Variants in DCC observed in about 807,000 individuals in gnomAD.
DCC encodes netrin receptor DCC.
Under a neutral mutation model 172.5 loss-of-function variants are expected in DCC, and 58 were observed. The ratio of observed to expected loss-of-function variants is 0.34; its 90% confidence interval spans 0.27 to 0.42. DCC has a LOEUF of 0.42. Among genes scored for constraint, DCC ranks in the 10% least tolerant of loss-of-function variants. The pLI, the probability that DCC is intolerant of heterozygous loss-of-function variation, is 1.00. For missense variants in DCC, 1,740 were observed against 1,791.0 expected, an observed-to-expected ratio of 0.97 and a Z score of 0.51; for synonymous variants, 709 against 644.5, an observed-to-expected ratio of 1.10 and a Z score of -1.52.
At chr18:52,677,838 T>C (rs1395964950) in intron 1 of DCC, among the ~76,000 whole-genome samples, 2 of 152,184 alleles carry the variant, frequency 1.3e-5, no homozygotes, top group Non-Finnish European at 2.9e-5. Context: ...TGGCTTCTCG[T>C]TGAGCAAGTA....
intron 5 of DCC, among the ~76,000 whole-genome samples, chr18:52,951,905 T>C (rs905801814): frequency 6.6e-6 from 1 of 152,228 alleles, no homozygotes; most frequent in Non-Finnish European, 1.5e-5. Context: ...TAGGCAAGTG[T>C]AGAAATTTGC....
intron 1 of DCC, among the ~76,000 whole-genome samples, chr18:52,738,628 C>T (rs555628378): frequency 6.6e-5 from 10 of 152,214 alleles, no homozygotes; most frequent in South Asian, 4.1e-4. Flanking sequence ...AAACACTGTA[C>T]GCCTAGGCTA....
At chr18:53,132,439 A>G (rs1399521935) in intron 7 of DCC, among the ~76,000 whole-genome samples, 1 of 152,060 alleles carries the variant, frequency 6.6e-6, no homozygotes, top group Admixed American at 6.6e-5. Context: ...ATGGGGAGGG[A>G]TGCTGATCCA....
chr18:52,386,828 A>G (rs1985818696), intron 1 of DCC, among the ~76,000 whole-genome samples: 1 of 152,120 alleles, frequency 6.6e-6, no homozygotes, highest in Non-Finnish European at 1.5e-5. Flanking sequence ...CACAACATGT[A>G]TCATATATCA....
At chr18:53,328,139 G>T (rs1158333400) in intron 14 of DCC, among the ~76,000 whole-genome samples, 1 of 152,196 alleles carries the variant, frequency 6.6e-6, no homozygotes, top group Admixed American at 6.5e-5. Context: ...ACAAAGGATG[G>T]CACAGGTTGC....
intron 2 of DCC, among the ~76,000 whole-genome samples, chr18:52,770,058 G>A (rs1224469023): frequency 6.6e-6 from 1 of 152,186 alleles, no homozygotes; most frequent in Non-Finnish European, 1.5e-5. Context: ...AGCATTTGAA[G>A]TTGGTGGATG....
At chr18:53,510,085 A>C (rs963491904) in intron 27 of DCC, among the ~76,000 whole-genome samples, 4 of 152,100 alleles carry the variant, frequency 2.6e-5, no homozygotes, top group Admixed American at 2.0e-4. Context: ...TCCATGGTAT[A>C]TTTTCTCCAA....
At chr18:53,466,873 G>A (rs1193770720) in intron 24 of DCC, among the ~76,000 whole-genome samples, 1 of 152,146 alleles carries the variant, frequency 6.6e-6, no homozygotes, top group Non-Finnish European at 1.5e-5. Flanking sequence ...AGTTTTTGTA[G>A]GATGTGTGGA....
chr18:53,423,524 G>A (rs908766043), intron 21 of DCC, among the ~76,000 whole-genome samples: 1 of 152,136 alleles, frequency 6.6e-6, no homozygotes, highest in Admixed American at 6.6e-5. Context: ...ACTACATGCT[G>A]TAATGTGTAC....
At chr18:52,774,231 C>A (rs2037389715) in intron 2 of DCC, among the ~76,000 whole-genome samples, 1 of 152,178 alleles carries the variant, frequency 6.6e-6, no homozygotes, top group Non-Finnish European at 1.5e-5. Flanking sequence ...GGAGCCCAAA[C>A]AATCCATGTT....
intron 1 of DCC, among the ~76,000 whole-genome samples, chr18:52,746,660 C>T (rs2036909608): frequency 6.6e-6 from 1 of 152,046 alleles, no homozygotes; most frequent in Non-Finnish European, 1.5e-5. Context: ...AATATTTGTA[C>T]TATTTGATCA....
At chr18:52,929,559 A>C (rs1335510436) in intron 5 of DCC, among the ~76,000 whole-genome samples, 1 of 152,096 alleles carries the variant, frequency 6.6e-6, no homozygotes, top group Non-Finnish European at 1.5e-5. Flanking sequence ...AATGAGGTTA[A>C]AACAACTGCC....
chr18:52,511,044 G>T (rs973311972), intron 1 of DCC, among the ~76,000 whole-genome samples: 2 of 152,080 alleles, frequency 1.3e-5, no homozygotes, highest in African/African-American at 2.4e-5. Context: ...AACAGACCAG[G>T]TCTTTAACAA....
chr18:52,870,652 G>A (rs1240415151), intron 2 of DCC, among the ~76,000 whole-genome samples: 1 of 151,696 alleles, frequency 6.6e-6, no homozygotes, highest in African/African-American at 2.4e-5. Flanking sequence ...TTGACAACCA[G>A]ACGGTCCCAC....
At chr18:52,864,052 A>G (rs2039184228) in intron 2 of DCC, among the ~76,000 whole-genome samples, 1 of 152,214 alleles carries the variant, frequency 6.6e-6, no homozygotes, top group Non-Finnish European at 1.5e-5. Flanking sequence ...TAGACAATAT[A>G]CAAATAGACA....
At chr18:53,362,523 G>A (rs2057959058) in intron 15 of DCC, among the ~76,000 whole-genome samples, 1 of 152,142 alleles carries the variant, frequency 6.6e-6, no homozygotes, top group Non-Finnish European at 1.5e-5. Flanking sequence ...GCCACTCATG[G>A]CCTTCACAAG....
intron 3 of DCC, among the ~76,000 whole-genome samples, chr18:52,909,332 T>C (rs893272634): frequency 2.2e-4 from 33 of 152,184 alleles, no homozygotes; most frequent in Non-Finnish European, 4.9e-4. Context: ...GGTACCAGAA[T>C]GGTTAGAACT....
chr18:52,466,346 A>G (rs1282297614), intron 1 of DCC, among the ~76,000 whole-genome samples: 3 of 152,208 alleles, frequency 2.0e-5, no homozygotes. Context: ...AAATCAACGA[A>G]GTACAGCTAT....
intron 1 of DCC, among the ~76,000 whole-genome samples, chr18:52,634,442 A>G (rs2034734605): frequency 2.0e-5 from 3 of 152,178 alleles, no homozygotes; most frequent in African/African-American, 7.2e-5. Context: ...AGTATTAGGA[A>G]AAAAATAATC....
Sources: gnomAD v4.1 joint callset for allele counts (sites outside exome capture counted in the v4.1 genomes callset) on GRCh38, gnomAD v4.1.1 for gene constraint, MANE v1.5 for transcripts, NCBI Gene and HGNC (gene_info 2026-07-23, HGNC 2026-07-21) for gene names.